IL15RA: variants seen among roughly 807,000 people sequenced by gnomAD.
IL15RA encodes the protein interleukin 15 receptor subunit alpha.
A neutral mutation model predicts 24.2 loss-of-function variants in IL15RA; 26 were observed. The ratio of observed to expected loss-of-function variants is 1.07; its 90% CI spans 0.79 to 1.49. The LOEUF (loss-of-function observed/expected upper bound fraction) is 1.49, where lower values mean the gene tolerates loss of function less well. Ranked by LOEUF, IL15RA falls within the 40% of genes most tolerant of loss-of-function variation. The pLI is 0.00. For synonymous variants in IL15RA, 166 were observed against 157.6 expected (o/e 1.05, Z -0.40); for missense variants, 354 against 356.4 (o/e 0.99, Z 0.05).
Position 5,960,066 on chromosome 10 carries a change from A to G in IL15RA, c.584-280T>C, listed in dbSNP as rs1331382510. On this transcript the variant is annotated intron_variant, in intron 4 of 6. Transcript: ENST00000379977. The surrounding 1 kb of genome is among the most constrained non-coding windows in gnomAD (Gnocchi z 5.1). ...ACTGTAGGCAGCTTCACCACCTCCT[A>G]CTGCAGGAGGGCACAGATGCCACTC... Among the ~76,000 whole-genome samples, 1 of 152,030 alleles carries G rather than the reference A, an allele frequency of 6.6e-6. No homozygotes were observed. Among genetic ancestry groups the G allele is most frequent in the Non-Finnish European group, 1.5e-5 (1 of 67,976 alleles).
chr10:5,972,267 C>A (rs1272303372), intron 1 of IL15RA, among the ~76,000 whole-genome samples: 2 of 152,202 alleles, frequency 1.3e-5, no homozygotes, highest in Non-Finnish European at 2.9e-5. Flanking sequence ...GCATTCAAAT[C>A]ACATCAACTA....
In IL15RA at chr10:5,973,140, A is replaced by G. The variant is rs571824404; in HGVS notation, c.88+4265T>C. On this transcript the variant is annotated intron_variant, in intron 1 of 6. Transcript: ENST00000379977. The surrounding 1 kb of genome is among the most constrained non-coding windows in gnomAD (Gnocchi z 4.5). ...CTCTCTAAGAAGTCAGTGACCTTCT[A>G]CCCAACATAATGGACGCCCCTGCAC... Among the ~76,000 whole-genome samples, 5 of 152,346 alleles carry G rather than the reference A, an allele frequency of 3.3e-5. No individual in the cohort carries two copies. The highest frequency in any genetic ancestry group is 4.1e-4 in the South Asian group (2 of 4,828).
chr10:5,977,454 AC>A lies in IL15RA; in HGVS notation c.38del (p.Gly13ValfsTer60). ...PRRARGCRTL[G>X]LPALLLLLLL... ...GCAGCAGCAGTAGCAGCGCCGGGAGACCGAGGGTCCGGCAGCCGCGCGCCCG... is the reference window on the plus strand; with the variant it reads ...GCAGCAGCAGTAGCAGCGCCGGGAGACGAGGGTCCGGCAGCCGCGCGCCCG... On this transcript the variant is annotated frameshift_variant, in exon 1 of 7. Coordinates refer to ENST00000379977, the MANE Select transcript of IL15RA (RefSeq NM_002189.4). LOFTEE classifies it high-confidence loss of function. The A allele has an allele frequency of 7.3e-7, 1 of 1,365,400 alleles. No individual in the cohort carries two copies. The highest frequency in any genetic ancestry group is 9.4e-7 in the Non-Finnish European group (1 of 1,060,484). 84.6% of individuals were successfully genotyped at this position (1,365,400 alleles called of 1,614,324 possible).
At chr10:5,957,919 A>G (rs1490696614) in intron 5 of IL15RA, among the ~76,000 whole-genome samples, 1 of 152,216 alleles carries the variant, frequency 6.6e-6, no homozygotes, top group African/African-American at 2.4e-5. Context: ...AAAGTCATGA[A>G]CTAGCAAAAG....
intron 5 of IL15RA, 138 bp from the exon 6 acceptor site, chr10:5,956,592 T>C: frequency 1.5e-6 from 1 of 667,084 alleles, no homozygotes; most frequent in Non-Finnish European, 2.7e-6. Context: ...TTTCTTAAGG[T>C]CCATGCAATT....
rs1838369799 is a variant in IL15RA at position 5,975,879 on chromosome 10, T to C, written c.88+1526A>G. ...CTGCACCCCAGCCGGGGTGACAGAG[T>C]GAGACTCCGTCTCAAAAAAGAAAAC... On this transcript the variant is annotated intron_variant, in intron 1 of 6. Coordinates refer to ENST00000379977, the MANE Select transcript of IL15RA (RefSeq NM_002189.4). This position sits in a 1 kb window ranked among gnomAD's most constrained non-coding sequence, Gnocchi z 4.8. 6.6e-6 allele frequency among the ~76,000 whole-genome samples: 1 copy of C among 151,308 alleles called. No individual in the cohort carries two copies. Among genetic ancestry groups the C allele is most frequent in the Non-Finnish European group, 1.5e-5 (1 of 67,816 alleles).
rs1011036628 is a variant in IL15RA at position 5,955,689 on chromosome 10, T to C, written c.692+690A>G. Among the ~76,000 whole-genome samples, 1 of 152,164 alleles carries C rather than the reference T, an allele frequency of 6.6e-6. No homozygotes were observed. ...ATGCTGAGATGCAGAATTTCAATGA[T>C]TAGAAATACAAAATTAAGGCTAACA... On this transcript the variant is annotated intron_variant, in intron 6 of 6. Coordinates refer to ENST00000379977, the MANE Select transcript of IL15RA (RefSeq NM_002189.4). This position sits in a 1 kb window ranked among gnomAD's most constrained non-coding sequence, Gnocchi z 5.3.
At chr10:5,956,501 G>T in intron 5 of IL15RA, 47 bp from the exon 6 acceptor site, 1 of 1,389,080 alleles carries the variant, frequency 7.2e-7, no homozygotes, top group Non-Finnish European at 1.0e-6. Flanking sequence ...CACATTCATT[G>T]CTACGAACCA....
chr10:5,969,655 C>T (rs377031801), intron 1 of IL15RA, among the ~76,000 whole-genome samples: 13 of 152,278 alleles, frequency 8.5e-5, no homozygotes, highest in African/African-American at 1.9e-4. Context: ...TGAGCCACCC[C>T]GCCTGGCCTA....
In IL15RA at chr10:5,961,902, C is replaced by T. The variant is rs1251161407; in HGVS notation, c.383-1335G>A. 1.3e-5 allele frequency among the ~76,000 whole-genome samples: 2 copies of T among 152,228 alleles called. No individual in the cohort carries two copies. Among genetic ancestry groups the T allele is most frequent in the African/African-American group, 4.8e-5 (2 of 41,456 alleles). ...ACGCCCCTTAATCCTGTGTCACCACCTTTCATATAACTTGCCCTACGCTCA... is the reference window on the plus strand; with the variant it reads ...ACGCCCCTTAATCCTGTGTCACCACTTTTCATATAACTTGCCCTACGCTCA... On this transcript the variant is annotated intron_variant, in intron 3 of 6. Coordinates refer to ENST00000379977, the MANE Select transcript of IL15RA (RefSeq NM_002189.4). This position sits in a 1 kb window ranked among gnomAD's most constrained non-coding sequence, Gnocchi z 5.2.
In IL15RA at chr10:5,959,888, C is replaced by G; in HGVS notation, c.584-102G>C. 1 of 1,096,612 alleles carries G rather than the reference C, an allele frequency of 9.1e-7. No individual in the cohort carries two copies. The highest frequency in any genetic ancestry group is 1.3e-5 in the South Asian group (1 of 76,016). The allele number at this position is 1,096,612 out of a possible 1,614,324, so 67.9% of individuals were successfully genotyped here. ...ATGGCTTGGCTCCCATCTTAGCACCCTGGGAGACTCGTGGCTGGCGTAACC... is the reference window on the plus strand; with the variant it reads ...ATGGCTTGGCTCCCATCTTAGCACCGTGGGAGACTCGTGGCTGGCGTAACC... On this transcript the variant is annotated intron_variant, in intron 4 of 6. Coordinates refer to ENST00000379977, the MANE Select transcript of IL15RA (RefSeq NM_002189.4). The surrounding 1 kb of genome is among the most constrained non-coding windows in gnomAD (Gnocchi z 4.1).
chr10:5,970,535 T>C lies in IL15RA; in HGVS notation c.89-4196A>G, dbSNP rs1837398535. Among the ~76,000 whole-genome samples, 1 of 152,140 alleles carries C rather than the reference T, an allele frequency of 6.6e-6. No individual in the cohort carries two copies. Among genetic ancestry groups the C allele is most frequent in the Admixed American group, 6.6e-5 (1 of 15,256 alleles). On this transcript the variant is annotated intron_variant, in intron 1 of 6. Transcript: ENST00000379977. The surrounding 1 kb of genome is among the most constrained non-coding windows in gnomAD (Gnocchi z 4.1). ...TCAGTGGTTCTTCCATTCTGAACGG[T>C]CCTCAAACCAAGATAAATCTGTGAA...
Position 5,962,248 on chromosome 10 carries a change from T to G in IL15RA, c.382+1495A>C, listed in dbSNP as rs1366518973. On this transcript the variant is annotated intron_variant, in intron 3 of 6. Transcript: ENST00000379977. This position sits in a 1 kb window ranked among gnomAD's most constrained non-coding sequence, Gnocchi z 5.2. ...TGACTCACTAGGAGGGAACCTTGTT[T>G]AGCTGCTTCTTCCTCCCTTAAGATG... Among the ~76,000 whole-genome samples the G allele has an allele frequency of 1.3e-5, 2 of 152,140 alleles. No homozygotes were observed. The highest frequency in any genetic ancestry group is 4.8e-5 in the African/African-American group (2 of 41,432).
Position 5,952,503 on chromosome 10 carries a change from T to G in IL15RA, c.*592A>C, listed in dbSNP as rs934040977. 2 of 153,652 alleles carry G rather than the reference T, an allele frequency of 1.3e-5. No homozygotes were observed. The highest frequency in any genetic ancestry group is 2.4e-5 in the African/African-American group (1 of 41,450). The allele number at this position is 153,652 out of a possible 1,614,324, so 9.5% of individuals were successfully genotyped here. On this transcript the variant is annotated 3_prime_UTR_variant, in exon 7 of 7. Transcript: ENST00000379977. The stretch of plus-strand genomic sequence containing the variant: ...AATATAAACGCATATATTCGTAAAA[T>G]GGCACTGAGTTGAGTTTTCTTCTTC...
intron 1 of IL15RA, chr10:5,977,059 G>A (rs1838571767): frequency 4.5e-6 from 1 of 222,622 alleles, no homozygotes; most frequent in African/African-American, 2.3e-5. Flanking sequence ...ACTCGCCCGT[G>A]TCTCCAAACT....
rs1276258688 is a variant in IL15RA at position 5,970,972 on chromosome 10, G to A, written c.89-4633C>T. ...GGGGTCTCACCATGTTGCCCAGCCTGGTCTCAAACTCCTGAACTCAAGCCG... is the reference window on the plus strand; with the variant it reads ...GGGGTCTCACCATGTTGCCCAGCCTAGTCTCAAACTCCTGAACTCAAGCCG... On this transcript the variant is annotated intron_variant, in intron 1 of 6. Transcript: ENST00000379977. The surrounding 1 kb of genome is among the most constrained non-coding windows in gnomAD (Gnocchi z 4.1). 6.6e-6 allele frequency among the ~76,000 whole-genome samples: 1 copy of A among 151,872 alleles called. No individual in the cohort carries two copies. Among genetic ancestry groups the A allele is most frequent in the African/African-American group, 2.4e-5 (1 of 41,324 alleles).
chr10:5,954,679 C>T (rs561725414), intron 6 of IL15RA, among the ~76,000 whole-genome samples: 1 of 152,066 alleles, frequency 6.6e-6, no homozygotes, highest in South Asian at 2.1e-4. Context: ...TTTACAAATC[C>T]TTTTTAAGAA....
Position 5,968,799 on chromosome 10 carries a change from T to C in IL15RA, c.89-2460A>G. ...ACCTGCTTGCTGCCTGCTTGTCCGA[T>C]GGTGGTGGCACTGGGGGCAGTTTTC... On this transcript the variant is annotated intron_variant, in intron 1 of 6. Coordinates refer to ENST00000379977, the MANE Select transcript of IL15RA (RefSeq NM_002189.4). The surrounding 1 kb of genome is among the most constrained non-coding windows in gnomAD (Gnocchi z 5.4). 2 of 714,560 alleles carry C rather than the reference T, an allele frequency of 2.8e-6. No homozygotes were observed. Among genetic ancestry groups the C allele is most frequent in the Non-Finnish European group, 5.0e-6 (2 of 396,086 alleles). 44.3% of individuals were successfully genotyped at this position (714,560 alleles called of 1,614,324 possible).
In IL15RA at chr10:5,964,421, G is replaced by A. The variant is rs1836148015; in HGVS notation, c.284-580C>T. 6.6e-6 allele frequency among the ~76,000 whole-genome samples: 1 copy of A among 152,122 alleles called. No individual in the cohort carries two copies. Among genetic ancestry groups the A allele is most frequent in the Non-Finnish European group, 1.5e-5 (1 of 68,030 alleles). On this transcript the variant is annotated intron_variant, in intron 2 of 6. Coordinates refer to ENST00000379977, the MANE Select transcript of IL15RA (RefSeq NM_002189.4). The surrounding 1 kb of genome is among the most constrained non-coding windows in gnomAD (Gnocchi z 5.6). ...GTCTCAAGAAATCCCTCCCATCTCG[G>A]CCTCCCAAAGTGCTGGGATTACAGG...
Sources: allele counts gnomAD v4.1 joint callset (sites outside exome capture counted in the v4.1 genomes callset), GRCh38; gene constraint gnomAD v4.1.1; non-coding constraint Gnocchi (gnomAD v3.1); transcripts MANE v1.5; gene names NCBI Gene and HGNC (gene_info 2026-07-23, HGNC 2026-07-21).